Variants in ASTN2 observed in about 807,000 individuals in gnomAD.
ASTN2 encodes astrotactin-2.
ASTN2 carries 54 observed loss-of-function variants against 139.8 expected under a neutral mutation model. The observed-to-expected ratio is 0.39, with a 90% CI of 0.31 to 0.48. ASTN2 has a LOEUF of 0.48. Among genes scored for constraint, ASTN2 ranks in the 20% least tolerant of loss-of-function variants. The pLI is 0.95. For synonymous variants in ASTN2, 756 were observed against 719.5 expected (o/e 1.05, Z -0.81); for missense variants, 1,565 against 1,725.1 (o/e 0.91, Z 1.64).
At chr9:116,871,537 CA>C in intron 10 of ASTN2, among the ~76,000 whole-genome samples, 1 of 152,192 alleles carries the variant, frequency 6.6e-6, no homozygotes, top group Non-Finnish European at 1.5e-5. Flanking sequence ...TAACTCTGAA[CA>C]CTTCATGTAA....
At chr9:117,287,145 G>A (rs1417465588) in intron 2 of ASTN2, among the ~76,000 whole-genome samples, 1 of 152,128 alleles carries the variant, frequency 6.6e-6, no homozygotes, top group Admixed American at 6.5e-5. Flanking sequence ...AGTGGTGGCA[G>A]TCATTATTTT....
At chr9:117,298,217 C>A (rs1834783073) in intron 1 of ASTN2, among the ~76,000 whole-genome samples, 1 of 152,232 alleles carries the variant, frequency 6.6e-6, no homozygotes, top group South Asian at 2.1e-4. Flanking sequence ...CCAGTCTGAT[C>A]TCTTCCTATG....
At chr9:116,730,008 C>T (rs528167891) in intron 14 of ASTN2, among the ~76,000 whole-genome samples, 8 of 152,214 alleles carry the variant, frequency 5.3e-5, no homozygotes, top group East Asian at 3.9e-4. Flanking sequence ...TAACTTTGGG[C>T]GGTGGTAAAT....
chr9:117,344,025 T>A (rs754469792), intron 1 of ASTN2, among the ~76,000 whole-genome samples: 8 of 151,972 alleles, frequency 5.3e-5, no homozygotes, highest in Admixed American at 1.3e-4. Flanking sequence ...GTCTTAGATG[T>A]TACTCCAAAA....
intron 10 of ASTN2, among the ~76,000 whole-genome samples, chr9:116,871,566 G>A (rs1368345506): frequency 1.3e-5 from 2 of 152,156 alleles, no homozygotes; most frequent in African/African-American, 4.8e-5. Context: ...TATACATTAT[G>A]TAGCCTTTTG....
chr9:116,627,536 A>T (rs1366560458), intron 17 of ASTN2, among the ~76,000 whole-genome samples: 1 of 152,208 alleles, frequency 6.6e-6, no homozygotes, highest in Non-Finnish European at 1.5e-5. Flanking sequence ...GCATTTACTG[A>T]CAGGGTGGTA....
chr9:117,414,693 G>A lies in ASTN2; in HGVS notation c.246C>T (p.Gly82=), dbSNP rs1236406050. The A allele has an allele frequency of 6.4e-6, 8 of 1,256,042 alleles. No individual in the cohort carries two copies. In the East Asian group the frequency reaches 2.8e-4, roughly 45 times the overall value. 77.8% of individuals were successfully genotyped at this position (1,256,042 alleles called of 1,614,324 possible). The change falls in exon 1 of 23, where the codon GGC becomes GGT. Residue 82 remains glycine (G), a synonymous_variant. Coordinates refer to ENST00000313400, the MANE Select transcript of ASTN2 (RefSeq NM_001365068.1). The surrounding 1 kb of genome is among the most constrained non-coding windows in gnomAD (Gnocchi z 4.2). ...CGGCCCCGGCGCGGGCGCCGCTCCA[G>A]CCGATGTCGCTCTCCCGCAGGGCGG... ...TLPALRESDI[G]WSGARAGAGA...
chr9:116,738,894 A>G (rs961773186), intron 13 of ASTN2, among the ~76,000 whole-genome samples: 1 of 152,206 alleles, frequency 6.6e-6, no homozygotes, highest in African/African-American at 2.4e-5. Context: ...TAGAGATGAG[A>G]CCAGGCAGTT....
At chr9:117,304,141 C>T (rs771053056) in intron 1 of ASTN2, among the ~76,000 whole-genome samples, 2 of 152,184 alleles carry the variant, frequency 1.3e-5, no homozygotes, top group African/African-American at 2.4e-5. Flanking sequence ...TACGAAGTGC[C>T]CAACTAAGCT....
Position 117,129,037 on chromosome 9 carries a change from T to G in ASTN2, c.1168+12289A>C, listed in dbSNP as rs143289565. Among the ~76,000 whole-genome samples, 1,034 of 151,954 alleles carry G rather than the reference T, an allele frequency of 6.8e-3. 11 individuals are homozygous for G. Among genetic ancestry groups the G allele is most frequent in the African/African-American group, 0.024 (975 of 41,438 alleles). ...ATCACGGGAGTACAATTCAAGATGATATTTGGGTGGGCACACAGAGCCAAA... is the reference window on the plus strand; with the variant it reads ...ATCACGGGAGTACAATTCAAGATGAGATTTGGGTGGGCACACAGAGCCAAA... On this transcript the variant is annotated intron_variant, in intron 4 of 22. Transcript: ENST00000313400.
chr9:116,895,792 T>C (rs998288725), intron 10 of ASTN2, among the ~76,000 whole-genome samples: 2 of 151,934 alleles, frequency 1.3e-5, no homozygotes, highest in Non-Finnish European at 2.9e-5. Flanking sequence ...ATCAGAAAAA[T>C]GGAGATGCCA....
chr9:117,308,243 ATC>A (rs1332442722), intron 1 of ASTN2, among the ~76,000 whole-genome samples: 4 of 151,848 alleles, frequency 2.6e-5, no homozygotes, highest in African/African-American at 9.7e-5. Flanking sequence ...CAATCAATCA[ATC>A]AATCAAACAA....
At chr9:116,497,362 C>T (rs891517539) in intron 19 of ASTN2, among the ~76,000 whole-genome samples, 1 of 152,116 alleles carries the variant, frequency 6.6e-6, no homozygotes, top group Non-Finnish European at 1.5e-5. Context: ...AAGCAGTTAT[C>T]GAACACCCTC....
At chr9:117,344,436 T>C (rs1829154612) in intron 1 of ASTN2, among the ~76,000 whole-genome samples, 1 of 152,092 alleles carries the variant, frequency 6.6e-6, no homozygotes, top group African/African-American at 2.4e-5. Context: ...CCCAGGACCC[T>C]GGGAGTTCCA....
rs529270677 is a variant in ASTN2 at position 116,863,794 on chromosome 9, A to G, written c.1890-61T>C. The stretch of plus-strand genomic sequence containing the variant: ...ATTTGGATCCTTAGATTAAAAAAAT[A>G]ATAATGTGAATTCATTACATTTGAA... On this transcript the variant is annotated intron_variant, in intron 10 of 22. Coordinates refer to ENST00000313400, the MANE Select transcript of ASTN2 (RefSeq NM_001365068.1). 9 of 1,469,162 alleles carry G rather than the reference A, an allele frequency of 6.1e-6. No individual in the cohort carries two copies. The South Asian group carries it at 1.1e-4, about 18-fold the overall frequency. 91.0% of individuals were successfully genotyped at this position (1,469,162 alleles called of 1,614,324 possible).
intron 5 of ASTN2, among the ~76,000 whole-genome samples, chr9:117,060,342 GAGAGAAAGAA>G (rs1564406191): frequency 1.8e-3 from 121 of 66,422 alleles, no homozygotes; most frequent in African/African-American, 7.5e-3. Context: ...AAGAAAGAAA[GAGAGAAAGAA>G]AGAAAGAAAG....
intron 3 of ASTN2, among the ~76,000 whole-genome samples, chr9:117,205,337 C>T (rs571820067): frequency 6.6e-6 from 1 of 152,306 alleles, no homozygotes; most frequent in South Asian, 2.1e-4. Context: ...GGGTTCAAGA[C>T]TTACCACGTG....
intron 4 of ASTN2, among the ~76,000 whole-genome samples, chr9:117,128,206 T>C (rs1272424845): frequency 6.6e-6 from 1 of 151,838 alleles, no homozygotes; most frequent in Non-Finnish European, 1.5e-5. Flanking sequence ...AAACCCTGTC[T>C]CTACTAAAAG....
At chr9:116,695,651 C>T (rs1273638353) in intron 16 of ASTN2, among the ~76,000 whole-genome samples, 1 of 152,212 alleles carries the variant, frequency 6.6e-6, no homozygotes, top group Non-Finnish European at 1.5e-5. Flanking sequence ...CAAGACTGCA[C>T]AGATACAGCT....
Sources: allele counts gnomAD v4.1 joint callset (sites outside exome capture counted in the v4.1 genomes callset), GRCh38; gene constraint gnomAD v4.1.1; non-coding constraint Gnocchi (gnomAD v3.1); transcripts MANE v1.5; gene names NCBI Gene and HGNC (gene_info 2026-07-23, HGNC 2026-07-21).